CCSER1: variants seen among roughly 807,000 people sequenced by gnomAD.
CCSER1 encodes serine-rich coiled-coil domain-containing protein 1.
CCSER1 carries 41 observed loss-of-function variants against 82.0 expected under a neutral mutation model. The ratio of observed to expected loss-of-function variants is 0.50; its 90% CI spans 0.39 to 0.65. The LOEUF is 0.65. CCSER1 is among the 30% of genes least tolerant of loss of function. CCSER1 has a pLI of 0.00. For synonymous variants in CCSER1, 414 were observed against 383.9 expected (o/e 1.08, Z -0.92); for missense variants, 1,119 against 1,064.2 (o/e 1.05, Z -0.72).
At chr4:90,159,556 A>G (rs1412967356) in intron 1 of CCSER1, among the ~76,000 whole-genome samples, 4 of 152,202 alleles carry the variant, frequency 2.6e-5, no homozygotes, top group Non-Finnish European at 1.5e-5. Flanking sequence ...GAGATGAGTC[A>G]ATATTTGGAT....
intron 4 of CCSER1, among the ~76,000 whole-genome samples, chr4:90,461,835 A>G (rs975640300): frequency 1.3e-5 from 2 of 152,144 alleles, no homozygotes; most frequent in Non-Finnish European, 2.9e-5. Context: ...GGCTTCTATG[A>G]TTACACTTCC....
At chr4:90,939,051 C>T (rs960309987) in intron 9 of CCSER1, among the ~76,000 whole-genome samples, 4 of 152,096 alleles carry the variant, frequency 2.6e-5, no homozygotes, top group Non-Finnish European at 5.9e-5. Flanking sequence ...GTTCACTCTT[C>T]TCATCCATGT....
chr4:90,550,654 AC>A (rs1560704172), intron 5 of CCSER1, among the ~76,000 whole-genome samples: 3 of 152,238 alleles, frequency 2.0e-5, no homozygotes, highest in African/African-American at 7.2e-5. Context: ...ATGTAACCTT[AC>A]AAGTATAGAT....
chr4:90,433,103 T>C (rs985428822), intron 4 of CCSER1, among the ~76,000 whole-genome samples: 3 of 152,224 alleles, frequency 2.0e-5, no homozygotes, highest in Admixed American at 1.3e-4. Flanking sequence ...TGCAGACATA[T>C]ATGTATATTA....
chr4:90,633,529 T>C (rs1724852445), intron 6 of CCSER1, among the ~76,000 whole-genome samples: 1 of 151,974 alleles, frequency 6.6e-6, no homozygotes, highest in South Asian at 2.1e-4. Context: ...ATCTTCCAGA[T>C]TAGAAGAAAG....
intron 9 of CCSER1, among the ~76,000 whole-genome samples, chr4:90,973,739 C>T (rs1056836771): frequency 5.3e-5 from 8 of 151,484 alleles, no homozygotes; most frequent in Non-Finnish European, 7.4e-5. Context: ...TTAGCAATAA[C>T]CAAAGCATGG....
intron 5 of CCSER1, among the ~76,000 whole-genome samples, chr4:90,579,786 C>T (rs114017060): frequency 0.012 from 1,873 of 151,398 alleles, 43 homozygotes; most frequent in African/African-American, 0.043. Flanking sequence ...CAGTTAATTC[C>T]GTGGTTGGCC....
intron 1 of CCSER1, among the ~76,000 whole-genome samples, chr4:90,268,509 A>C (rs1725658467): frequency 6.6e-6 from 1 of 152,126 alleles, no homozygotes; most frequent in Non-Finnish European, 1.5e-5. Context: ...ATTATTTGCA[A>C]GCCTCATGGT....
chr4:90,287,726 T>G (rs998339659), intron 1 of CCSER1, among the ~76,000 whole-genome samples: 2 of 152,138 alleles, frequency 1.3e-5, no homozygotes, highest in Admixed American at 1.3e-4. Flanking sequence ...ATATTAGAAA[T>G]GAATTTATTT....
intron 8 of CCSER1, among the ~76,000 whole-genome samples, chr4:90,919,270 G>A (rs1013409682): frequency 6.6e-6 from 1 of 151,774 alleles, no homozygotes; most frequent in South Asian, 2.1e-4. Flanking sequence ...CTATTTGTAA[G>A]CTTTTTAAAA....
chr4:91,082,050 G>T (rs1053837577), intron 9 of CCSER1, among the ~76,000 whole-genome samples: 1 of 152,162 alleles, frequency 6.6e-6, no homozygotes, highest in African/African-American at 2.4e-5. Context: ...CTTCACAGAA[G>T]TGGAAAAAAA....
intron 7 of CCSER1, among the ~76,000 whole-genome samples, chr4:90,760,431 C>T (rs982081506): frequency 7.9e-5 from 12 of 151,914 alleles, no homozygotes; most frequent in Non-Finnish European, 8.8e-5. Flanking sequence ...AGATCTTTTA[C>T]AGCACTTAAT....
At chr4:90,366,980 A>G (rs1280250943) in intron 3 of CCSER1, among the ~76,000 whole-genome samples, 2 of 151,946 alleles carry the variant, frequency 1.3e-5, no homozygotes. Flanking sequence ...CCATGTCTCT[A>G]AAATGAAGCA....
chr4:90,226,275 G>A (rs1743142912), intron 1 of CCSER1, among the ~76,000 whole-genome samples: 1 of 152,234 alleles, frequency 6.6e-6, no homozygotes. Flanking sequence ...GTCATGTTAA[G>A]CCATTAAATT....
intron 10 of CCSER1, among the ~76,000 whole-genome samples, chr4:91,418,303 T>TAAAAAAAAAAAAA (rs142070235): frequency 8.8e-6 from 1 of 113,634 alleles, no homozygotes; most frequent in Admixed American, 8.7e-5. Flanking sequence ...ATTTTTTAAT[T>TAAAAAAAAAAAAA]AAAAAAAAAA....
rs114279187 is a variant in CCSER1, at chr4:90,246,783, A to G, written c.-41-61461A>G. On this transcript the variant is annotated intron_variant, in intron 1 of 10. Transcript: ENST00000509176. ...ATAGAACAATTATAACATCTATGTA[A>G]GAAGTTATGTGAATGTGGTCTATTT... 6.8e-3 allele frequency among the ~76,000 whole-genome samples: 1,038 copies of G among 152,286 alleles called. 9 individuals are homozygous for G. Among genetic ancestry groups the G allele is most frequent in the African/African-American group, 0.024 (1,005 of 41,546 alleles).
At chr4:90,772,501 A>G (rs144355448) in intron 7 of CCSER1, among the ~76,000 whole-genome samples, 6 of 152,286 alleles carry the variant, frequency 3.9e-5, no homozygotes, top group African/African-American at 1.4e-4. Context: ...CAAAATGCAA[A>G]TATTTCAGTG....
intron 10 of CCSER1, among the ~76,000 whole-genome samples, chr4:91,138,845 A>G (rs1728743080): frequency 6.6e-6 from 1 of 152,082 alleles, no homozygotes; most frequent in Admixed American, 6.6e-5. Flanking sequence ...AATGCTCATC[A>G]TCACTGGCCA....
At chr4:91,443,827 C>G (rs1755376754) in intron 10 of CCSER1, among the ~76,000 whole-genome samples, 1 of 150,336 alleles carries the variant, frequency 6.7e-6, no homozygotes, top group Non-Finnish European at 1.5e-5. Context: ...GATAACCATC[C>G]AATTATATAG....
Sources: gnomAD v4.1 joint callset for allele counts (sites outside exome capture counted in the v4.1 genomes callset) on GRCh38, gnomAD v4.1.1 for gene constraint, MANE v1.5 for transcripts, NCBI Gene and HGNC (gene_info 2026-07-23, HGNC 2026-07-21) for gene names.